Variants in NR2F1-AS1 observed in about 807,000 individuals in gnomAD.
NR2F1-AS1 encodes the protein NR2F1 antisense RNA 1.
intron 4 of NR2F1-AS1, among the ~76,000 whole-genome samples, chr5:93,413,222 G>A (rs908246418): frequency 2.0e-5 from 3 of 147,264 alleles, no homozygotes; most frequent in Non-Finnish European, 3.0e-5. Flanking sequence ...ATATATATAT[G>A]TGTGTGTATA....
intron 1 of NR2F1-AS1, among the ~76,000 whole-genome samples, chr5:93,574,106 G>T (rs1225977095): frequency 6.6e-6 from 1 of 152,222 alleles, no homozygotes; most frequent in Non-Finnish European, 1.5e-5. Context: ...GCTGGTTTGA[G>T]TTTAATTTAT....
chr5:93,499,497 T>C (rs1156309872), intron 4 of NR2F1-AS1, among the ~76,000 whole-genome samples: 3 of 152,162 alleles, frequency 2.0e-5, no homozygotes, highest in Non-Finnish European at 2.9e-5. Flanking sequence ...GATGTTACTA[T>C]TGTCATTGTT....
intron 3 of NR2F1-AS1, chr5:93,553,967 A>C (rs1300900882): frequency 6.6e-6 from 1 of 152,230 alleles, no homozygotes; most frequent in African/African-American, 2.4e-5. Flanking sequence ...TATTCTGATA[A>C]ACTTTTAAAA....
At chr5:93,560,616 C>T (rs890166842) in intron 2 of NR2F1-AS1, among the ~76,000 whole-genome samples, 4 of 152,172 alleles carry the variant, frequency 2.6e-5, no homozygotes, top group African/African-American at 9.7e-5. Context: ...TCCACTGAAC[C>T]TTCTACCAGG....
chr5:93,546,094 G>A (rs1003097361), intron 4 of NR2F1-AS1, among the ~76,000 whole-genome samples: 3 of 152,120 alleles, frequency 2.0e-5, no homozygotes, highest in Admixed American at 6.6e-5. Context: ...TAACCTCTCC[G>A]AACTTCAGTT....
chr5:93,479,204 C>T (rs772959869), intron 4 of NR2F1-AS1, among the ~76,000 whole-genome samples: 1 of 152,016 alleles, frequency 6.6e-6, no homozygotes, highest in Non-Finnish European at 1.5e-5. Flanking sequence ...GAGTGAACAA[C>T]AGGAACCTTC....
At chr5:93,470,630 C>T (rs1750346724) in intron 4 of NR2F1-AS1, among the ~76,000 whole-genome samples, 1 of 151,702 alleles carries the variant, frequency 6.6e-6, no homozygotes, top group Admixed American at 6.6e-5. Context: ...ATCATGTTTA[C>T]TTGTCCTGTA....
At chr5:93,497,526 T>C (rs1186302149) in intron 4 of NR2F1-AS1, among the ~76,000 whole-genome samples, 1 of 152,196 alleles carries the variant, frequency 6.6e-6, no homozygotes. Context: ...TTGAGCTTTC[T>C]GTCTTAATTT....
chr5:93,584,351 G>A, upstream of NR2F1-AS1: 1 of 150,216 alleles, frequency 6.7e-6, no homozygotes, highest in Non-Finnish European at 1.5e-5. Context: ...GCCCTCGCCG[G>A]CTTCCTCTAT....
At chr5:93,514,177 T>C (rs1250743821) in intron 4 of NR2F1-AS1, among the ~76,000 whole-genome samples, 1 of 152,040 alleles carries the variant, frequency 6.6e-6, no homozygotes, top group African/African-American at 2.4e-5. Context: ...ACAGGAACAC[T>C]TGTTTTAAGT....
chr5:93,538,335 A>G (rs1751880796), intron 4 of NR2F1-AS1, among the ~76,000 whole-genome samples: 1 of 152,052 alleles, frequency 6.6e-6, no homozygotes, highest in Non-Finnish European at 1.5e-5. Context: ...TTAGCCATGC[A>G]TGGTGGCATG....
chr5:93,567,532 G>T (rs967619250), intron 1 of NR2F1-AS1, among the ~76,000 whole-genome samples: 1 of 152,148 alleles, frequency 6.6e-6, no homozygotes, highest in African/African-American at 2.4e-5. Context: ...CTTGAGCAAA[G>T]GTGGGAAGCA....
upstream of NR2F1-AS1, chr5:93,581,400 G>A (rs1043316922): frequency 2.6e-5 from 4 of 152,182 alleles, no homozygotes; most frequent in East Asian, 5.8e-4. Flanking sequence ...ACTAATAGAA[G>A]TATCATTTTC....
In NR2F1-AS1 at chr5:93,561,778, A is replaced by G. The variant is rs1752493949; in HGVS notation, n.413+1586T>C. ...ACAGAGACCCTGTCTCAAAAAAAAAACAAAACAAATTTTATAATTATATTT... is the reference window on the plus strand; with the variant it reads ...ACAGAGACCCTGTCTCAAAAAAAAAGCAAAACAAATTTTATAATTATATTT... On this transcript the variant is annotated intron_variant and non_coding_transcript_variant, in intron 2 of 5. Coordinates refer to ENST00000660523, the Ensembl canonical transcript of NR2F1-AS1. Among the ~76,000 whole-genome samples the G allele has an allele frequency of 2.0e-5, 3 of 152,206 alleles. No individual in the cohort carries two copies. The South Asian group carries it at 6.2e-4, about 32-fold the overall frequency.
chr5:93,561,164 T>C (rs1752478577), intron 2 of NR2F1-AS1, among the ~76,000 whole-genome samples: 1 of 151,988 alleles, frequency 6.6e-6, no homozygotes, highest in African/African-American at 2.4e-5. Context: ...TCCCAGCTAC[T>C]AGGGATGCTG....
chr5:93,565,536 A>AT (rs1214860773), intron 1 of NR2F1-AS1, among the ~76,000 whole-genome samples: 8 of 152,144 alleles, frequency 5.3e-5, no homozygotes, highest in Admixed American at 5.2e-4. Flanking sequence ...ATAAAGAAAT[A>AT]TATTCTGGAA....
chr5:93,579,804 C>T lies in NR2F1-AS1; in HGVS notation n.313+663G>A, dbSNP rs1415526252. Among the ~76,000 whole-genome samples the T allele has an allele frequency of 6.6e-6, 1 of 152,232 alleles. No individual in the cohort carries two copies. Among genetic ancestry groups the T allele is most frequent in the African/African-American group, 2.4e-5 (1 of 41,472 alleles). On this transcript the variant is annotated intron_variant and non_coding_transcript_variant, in intron 1 of 5. Transcript: ENST00000660523. The surrounding 1 kb of genome is among the most constrained non-coding windows in gnomAD (Gnocchi z 5.1). ...GCTGGCAGCGGCGCAGGGAGTCTGG[C>T]TCGGCTGCTAGGCTGCGAATCCCGG...
intron 4 of NR2F1-AS1, among the ~76,000 whole-genome samples, chr5:93,445,425 G>A (rs1260094332): frequency 2.6e-5 from 4 of 152,178 alleles, no homozygotes; most frequent in Admixed American, 6.6e-5. Context: ...ACACCTCTAC[G>A]CAAATAAACT....
intron 4 of NR2F1-AS1, among the ~76,000 whole-genome samples, chr5:93,476,911 T>A (rs1021279030): frequency 1.3e-5 from 2 of 152,168 alleles, no homozygotes; most frequent in Non-Finnish European, 2.9e-5. Flanking sequence ...GTTGGTCTTT[T>A]TACTATAGGC....
Sources: allele counts gnomAD v4.1 joint callset (sites outside exome capture counted in the v4.1 genomes callset), GRCh38; gene constraint gnomAD v4.1.1; non-coding constraint Gnocchi (gnomAD v3.1); transcripts MANE v1.5; gene names NCBI Gene and HGNC (gene_info 2026-07-23, HGNC 2026-07-21).